The following C9orf72 variants were observed in gnomAD, a reference collection of about 807,000 sequenced individuals.
C9orf72 encodes C9orf72-SMCR8 complex subunit, also known as guanine nucleotide exchange factor C9orf72.
A neutral mutation model predicts 51.6 loss-of-function variants in C9orf72; 44 were observed. That is an observed-to-expected ratio of 0.85 (90% CI 0.67 to 1.10). The LOEUF (loss-of-function observed/expected upper bound fraction) is 1.10, where lower values mean the gene tolerates loss of function less well. C9orf72 is among the 50% of genes least tolerant of loss of function. The pLI, the probability that C9orf72 is intolerant of heterozygous loss-of-function variation, is 0.00. For missense variants in C9orf72, 607 were observed against 570.6 expected, an observed-to-expected ratio of 1.06 and a Z score of -0.65; for synonymous variants, 213 against 194.2, an observed-to-expected ratio of 1.10 and a Z score of -0.81.
chr9:27,562,923 C>A (rs963706286), intron 3 of C9orf72, among the ~76,000 whole-genome samples: 1 of 152,038 alleles, frequency 6.6e-6, no homozygotes, highest in Non-Finnish European at 1.5e-5. Context: ...CTAAAGCTCA[C>A]TTTTATTCTT....
At chr9:27,554,253 A>G (rs999773667) in intron 8 of C9orf72, among the ~76,000 whole-genome samples, 1 of 152,218 alleles carries the variant, frequency 6.6e-6, no homozygotes, top group African/African-American at 2.4e-5. Flanking sequence ...TAACAAAGAC[A>G]GGGAATCAAC....
At position 27,546,955 on chromosome 9, in the gene C9orf72, T is replaced by C. The variant is rs1404935688; in HGVS notation, c.*1281A>G. On this transcript the variant is annotated 3_prime_UTR_variant, in exon 11 of 11. Transcript: ENST00000380003. Reference sequence around the variant, plus strand: ...ATTACCTTTATCCCTTTCTTATAAATATATTTTCCCTTTTATATTACTTCC... The same window carrying C: ...ATTACCTTTATCCCTTTCTTATAAACATATTTTCCCTTTTATATTACTTCC... 6.6e-6 allele frequency: 1 copy of C among 152,258 alleles called. No individual in the cohort carries two copies. The highest frequency in any genetic ancestry group is 1.5e-5 in the Non-Finnish European group (1 of 68,030). 9.4% of individuals were successfully genotyped at this position (152,258 alleles called of 1,614,324 possible). A position where few individuals can be genotyped will look rare whatever the true frequency, so the allele number is the denominator to read the frequency against.
At chr9:27,563,658 T>C (rs1358969208) in intron 3 of C9orf72, among the ~76,000 whole-genome samples, 1 of 152,148 alleles carries the variant, frequency 6.6e-6, no homozygotes, top group African/African-American at 2.4e-5. Flanking sequence ...CCCCATATTA[T>C]TAAGTTGCTT....
intron 8 of C9orf72, among the ~76,000 whole-genome samples, chr9:27,551,033 G>A (rs900026632): frequency 6.6e-6 from 1 of 151,942 alleles, no homozygotes; most frequent in Non-Finnish European, 1.5e-5. Flanking sequence ...TTTAAAAAAA[G>A]TAGAGACCCT....
chr9:27,555,971 A>AT (rs1437850653), intron 8 of C9orf72, among the ~76,000 whole-genome samples: 22 of 141,770 alleles, frequency 1.6e-4, no homozygotes, highest in Non-Finnish European at 1.9e-4. Flanking sequence ...TATCATCATC[A>AT]TTTTTTTTTT....
chr9:27,556,537 A>C (rs771724358), intron 8 of C9orf72, 24 bp downstream of exon 8: 11 of 1,453,790 alleles, frequency 7.6e-6, no homozygotes, highest in Non-Finnish European at 9.6e-6. Flanking sequence ...TGACTACAGT[A>C]CCAGCAGGCA....
intron 1 of C9orf72, among the ~76,000 whole-genome samples, chr9:27,570,921 G>A (rs1819573135): frequency 1.3e-5 from 2 of 151,836 alleles, no homozygotes; most frequent in Non-Finnish European, 2.9e-5. Flanking sequence ...GAAAATGAAG[G>A]ACAAAGATCA....
chr9:27,548,556 C>T lies in C9orf72; in HGVS notation c.1259+1G>A, dbSNP rs776218894. On this transcript the variant is annotated splice_donor_variant, in intron 10 of 10. Coordinates refer to ENST00000380003, the MANE Select transcript of C9orf72 (RefSeq NM_018325.5). LOFTEE classifies it high-confidence loss of function. The stretch of plus-strand genomic sequence containing the variant: ...TTCTTCCGTGTAGGAGTTTTACTCA[C>T]GTATCGTCTTCTATATATTTTATTA... 8.3e-6 allele frequency: 13 copies of T among 1,564,850 alleles called. No homozygotes were observed. The highest frequency in any genetic ancestry group is 1.1e-5 in the South Asian group (1 of 89,834).
chr9:27,550,607 A>G (rs374237175), intron 9 of C9orf72, 43 bp downstream of exon 9: 4 of 1,217,094 alleles, frequency 3.3e-6, no homozygotes, highest in Non-Finnish European at 4.8e-6. Flanking sequence ...AAAAGAAAAC[A>G]TGTCATATCA....
At chr9:27,554,354 A>C (rs1820967711) in intron 8 of C9orf72, among the ~76,000 whole-genome samples, 1 of 152,090 alleles carries the variant, frequency 6.6e-6, no homozygotes, top group South Asian at 2.1e-4. Flanking sequence ...AGATGGAGCT[A>C]GAGGTCATTA....
intron 1 of C9orf72, among the ~76,000 whole-genome samples, chr9:27,570,512 C>A (rs1167468844): frequency 6.6e-6 from 1 of 152,000 alleles, no homozygotes; most frequent in African/African-American, 2.4e-5. Flanking sequence ...AAACTTTTAC[C>A]ACGTTGTGAA....
In C9orf72 at chr9:27,561,623, A is replaced by G. The variant is rs1276537236; in HGVS notation, c.627T>C (p.Asp209=). Residue 209 remains aspartate, a synonymous_variant, in exon 5 of 11, where the codon GAT becomes GAC. Transcript: ENST00000380003. ...IDIADTVLND[D]DIGDSCHEGF... is the part of the protein sequence containing the mutation. ...CTTCATGACAGCTGTCACCAATATC[A>G]TCATCATTGAGTACTGTATCAGCTA... The G allele has an allele frequency of 1.2e-6, 2 of 1,610,444 alleles. No homozygotes were observed. Among genetic ancestry groups the G allele is most frequent in the East Asian group, 2.2e-5 (1 of 44,746 alleles).
chr9:27,555,968 ATCATT>A (rs963875488), intron 8 of C9orf72, among the ~76,000 whole-genome samples: 2 of 150,672 alleles, frequency 1.3e-5, no homozygotes, highest in African/African-American at 2.4e-5. Context: ...ATTTATCATC[ATCATT>A]TTTTTTTTCA....
At chr9:27,550,730 G>A (rs376210576) in intron 8 of C9orf72, 23 bp from the exon 9 acceptor site, 47 of 1,484,490 alleles carry the variant, frequency 3.2e-5, no homozygotes, top group Middle Eastern at 3.9e-4. Flanking sequence ...AGAAAATGAA[G>A]AAAAGAAAAA....
At chr9:27,560,747 G>A (rs925377137) in intron 5 of C9orf72, 14 of 985,430 alleles carry the variant, frequency 1.4e-5, no homozygotes, top group East Asian at 2.3e-4. Context: ...ACTCCATCAT[G>A]AGCCTAAAGG....
At chr9:27,572,482 T>C (rs565556568) in intron 1 of C9orf72, among the ~76,000 whole-genome samples, 1 of 151,806 alleles carries the variant, frequency 6.6e-6, no homozygotes, top group East Asian at 1.9e-4. Context: ...TTTTGATCCT[T>C]TGTACAAAAG....
At position 27,548,557 on chromosome 9, in the gene C9orf72, G is replaced by T; in HGVS notation, c.1259C>A (p.Thr420Lys). ...TCTTCCGTGTAGGAGTTTTACTCAC[G>T]TATCGTCTTCTATATATTTTATTAG... The part of the protein sequence containing the change: ...LTLIKYIEDD[T>K]QKGKKPFKSL... Residue 420 changes from threonine (T) to lysine (K), a missense_variant and splice_region_variant, in exon 10 of 11, where the codon ACG becomes AAG. Coordinates refer to ENST00000380003, the MANE Select transcript of C9orf72 (RefSeq NM_018325.5). 1.3e-6 allele frequency: 2 copies of T among 1,567,524 alleles called. No individual in the cohort carries two copies. Among genetic ancestry groups the T allele is most frequent in the Non-Finnish European group, 8.8e-7 (1 of 1,139,024 alleles).
Position 27,566,936 on chromosome 9 carries a change from A to G in C9orf72, c.185T>C (p.Leu62Pro). The G allele has an allele frequency of 6.2e-7, 1 of 1,614,102 alleles. No individual in the cohort carries two copies. Among genetic ancestry groups the G allele is most frequent in the Non-Finnish European group, 8.5e-7 (1 of 1,179,956 alleles). ...TTCTCCATTTAGAGTGTGGTTGGCAAGAAAAGTTATTTCTCCATCACTGAG... is the reference window on the plus strand; with the variant it reads ...TTCTCCATTTAGAGTGTGGTTGGCAGGAAAAGTTATTTCTCCATCACTGAG... Reference protein sequence around the residue: ...VLLSDGEITFLANHTLNGEIL... With the variant: ...VLLSDGEITFPANHTLNGEIL... The change falls in exon 2 of 11, where the codon CTT (leucine) becomes CCT (proline). Residue 62 changes from leucine (L) to proline (P), a missense_variant. Leu to Pro is a moderately conservative substitution (Grantham distance 98). Transcript: ENST00000380003.
chr9:27,549,267 CTTAA>C (rs1224139033), intron 9 of C9orf72, among the ~76,000 whole-genome samples: 2 of 152,180 alleles, frequency 1.3e-5, no homozygotes, highest in African/African-American at 4.8e-5. Flanking sequence ...TTTCGTATTA[CTTAA>C]TTTTTTCTGC....
Sources: allele counts gnomAD v4.1 joint callset (sites outside exome capture counted in the v4.1 genomes callset), GRCh38; gene constraint gnomAD v4.1.1; transcripts MANE v1.5; gene names NCBI Gene and HGNC (gene_info 2026-07-23, HGNC 2026-07-21).